ESYT2: variants seen among roughly 807,000 people sequenced by gnomAD.
The protein encoded by ESYT2 is extended synaptotagmin-2.
In ESYT2, 54 loss-of-function variants were observed where a neutral mutation model predicts 107.2. That is an observed-to-expected ratio of 0.50 (90% CI 0.40 to 0.63). The LOEUF is 0.63. ESYT2 is among the 30% of genes least tolerant of loss of function. The pLI, the probability that ESYT2 is intolerant of heterozygous loss-of-function variation, is 0.00. For missense variants in ESYT2, 1,020 were observed against 1,094.5 expected (o/e 0.93, Z 0.96); for synonymous variants, 491 against 434.1 (o/e 1.13, Z -1.63).
At chr7:158,790,299 TTAG>T (rs1839246915) in intron 4 of ESYT2, among the ~76,000 whole-genome samples, 1 of 152,182 alleles carries the variant, frequency 6.6e-6, no homozygotes, top group Non-Finnish European at 1.5e-5. Flanking sequence ...AAAATGATCC[TTAG>T]TAAAGGATCA....
At chr7:158,781,351 T>C (rs1422028169) in intron 6 of ESYT2, among the ~76,000 whole-genome samples, 1 of 150,552 alleles carries the variant, frequency 6.6e-6, no homozygotes, top group Admixed American at 6.6e-5. Context: ...GTGTGAGGTA[T>C]GTGTAAGAAC....
chr7:158,806,449 G>A (rs994188881), intron 1 of ESYT2, among the ~76,000 whole-genome samples: 1 of 152,078 alleles, frequency 6.6e-6, no homozygotes, highest in Admixed American at 6.5e-5. Context: ...AAGGGGTTAA[G>A]CCCCCTTTTA....
intron 1 of ESYT2, among the ~76,000 whole-genome samples, chr7:158,800,636 TG>T (rs1159535929): frequency 6.6e-6 from 1 of 152,198 alleles, no homozygotes; most frequent in Non-Finnish European, 1.5e-5. Context: ...GCAATCCTCC[TG>T]CCTCAGCCTC....
At chr7:158,809,805 G>A (rs1839944771) in intron 1 of ESYT2, among the ~76,000 whole-genome samples, 1 of 152,198 alleles carries the variant, frequency 6.6e-6, no homozygotes, top group Admixed American at 6.5e-5. Context: ...CAGGCAGCCA[G>A]CTGTTCAAAC....
intron 1 of ESYT2, among the ~76,000 whole-genome samples, chr7:158,825,761 G>A (rs908555107): frequency 2.6e-5 from 4 of 152,122 alleles, no homozygotes; most frequent in African/African-American, 9.7e-5. Flanking sequence ...ATGAATTCAC[G>A]GTTGTCAACG....
intron 3 of ESYT2, among the ~76,000 whole-genome samples, chr7:158,794,971 T>C (rs753698210): frequency 4.6e-5 from 7 of 152,070 alleles, no homozygotes; most frequent in Non-Finnish European, 1.0e-4. Flanking sequence ...CAGACTGCAC[T>C]AAAAAACACA....
Position 158,733,119 on chromosome 7 carries a change from CCCTGGTGGTGGCCAG to C in ESYT2, c.*1073_*1087del, listed in dbSNP as rs1476701703. 1.3e-5 allele frequency: 2 copies of C among 152,232 alleles called. No individual in the cohort carries two copies. Among genetic ancestry groups the C allele is most frequent in the Admixed American group, 6.5e-5 (1 of 15,278 alleles). 9.4% of individuals were successfully genotyped at this position (152,232 alleles called of 1,614,324 possible). On this transcript the variant is annotated 3_prime_UTR_variant, in exon 23 of 23. Transcript: ENST00000275418. ...GGGCTCGCAGCTGTGGCGCCCCCAA[CCCTGGTGGTGGCCAG>C]TGCACATCGGCTCAAAGGTCCCACA...
intron 6 of ESYT2, among the ~76,000 whole-genome samples, chr7:158,782,669 TGA>T (rs1262447144): frequency 2.6e-5 from 4 of 151,948 alleles, no homozygotes; most frequent in Non-Finnish European, 4.4e-5. Flanking sequence ...AGAACAAGTG[TGA>T]GAACAAATGT....
chr7:158,798,016 T>C lies in ESYT2; in HGVS notation c.433A>G (p.Ile145Val), dbSNP rs201126533. Residue 145 changes from isoleucine (I) to valine (V), a missense_variant, in exon 3 of 23, where the codon ATA becomes GTA. Ile to Val is a conservative substitution (Grantham distance 29). Coordinates refer to ENST00000275418, the MANE Select transcript of ESYT2 (RefSeq NM_001367773.1). ...QFIEKLFRET[I>V]EPAVRGANTH... ...TTTGCTCCCCGCACGGCTGGTTCTA[T>C]AGTTTCTCGAAACAACTTCTCTATA... 310 of 1,614,200 alleles carry C rather than the reference T, an allele frequency of 1.9e-4. No individual in the cohort carries two copies. The highest frequency in any genetic ancestry group is 2.4e-4 in the Non-Finnish European group (284 of 1,180,018).
chr7:158,739,264 A>G (rs1587368609), intron 18 of ESYT2, 143 bp from the exon 19 acceptor site: 4 of 656,360 alleles, frequency 6.1e-6, no homozygotes, highest in East Asian at 2.9e-5. Flanking sequence ...ACATAATTTG[A>G]AACTTCTGGG....
chr7:158,765,808 A>T (rs1004001719), intron 8 of ESYT2, among the ~76,000 whole-genome samples: 2 of 150,802 alleles, frequency 1.3e-5, no homozygotes, highest in African/African-American at 2.4e-5. Context: ...TTGATAAAAT[A>T]AAAAAAAAAT....
chr7:158,751,013 T>C (rs1245416245), intron 14 of ESYT2, among the ~76,000 whole-genome samples: 2 of 152,226 alleles, frequency 1.3e-5, no homozygotes, highest in Non-Finnish European at 1.5e-5. Flanking sequence ...AAACACTTCA[T>C]CTCTGAAAAA....
Position 158,735,488 on chromosome 7 carries a change from T to C in ESYT2, c.2505+15A>G. On this transcript the variant is annotated intron_variant, in intron 21 of 22. Coordinates refer to ENST00000275418, the MANE Select transcript of ESYT2 (RefSeq NM_001367773.1). ...CAAACTGCAGGAACTGGTTGAGGAT[T>C]CGTTTGGCACTTACTTTGCCAAGGA... The C allele has an allele frequency of 3.1e-6, 5 of 1,603,562 alleles. No individual in the cohort carries two copies. The highest frequency in any genetic ancestry group is 4.3e-6 in the Non-Finnish European group (5 of 1,170,638).
chr7:158,745,595 G>A (rs1317193070), intron 16 of ESYT2, among the ~76,000 whole-genome samples: 1 of 151,964 alleles, frequency 6.6e-6, no homozygotes, highest in Non-Finnish European at 1.5e-5. Context: ...CAGTGCTCTG[G>A]GCCATAAAGC....
chr7:158,787,350 AAAT>A (rs1452733705), intron 6 of ESYT2, among the ~76,000 whole-genome samples: 1 of 152,242 alleles, frequency 6.6e-6, no homozygotes, highest in Non-Finnish European at 1.5e-5. Flanking sequence ...AGTCTAACGC[AAAT>A]ATTACAAAAC....
At chr7:158,734,351 A>G in intron 22 of ESYT2, 71 bp downstream of exon 22, 1 of 1,609,630 alleles carries the variant, frequency 6.2e-7, no homozygotes, top group Non-Finnish European at 8.5e-7. Context: ...TGTGGGGGAC[A>G]CTACCCACTG....
At chr7:158,785,888 G>T (rs369360127) in intron 6 of ESYT2, among the ~76,000 whole-genome samples, 4 of 152,100 alleles carry the variant, frequency 2.6e-5, no homozygotes, top group African/African-American at 9.6e-5. Flanking sequence ...GTTTCGTAAG[G>T]GTTTCTAAAT....
chr7:158,801,607 C>T (rs1839648979), intron 1 of ESYT2, among the ~76,000 whole-genome samples: 1 of 150,936 alleles, frequency 6.6e-6, no homozygotes, highest in Admixed American at 6.6e-5. Context: ...CACAGGAACA[C>T]AGGAACACAG....
chr7:158,782,477 C>CAA (rs1249192733), intron 6 of ESYT2, among the ~76,000 whole-genome samples: 4,830 of 98,942 alleles, frequency 0.049, no homozygotes, highest in Non-Finnish European at 0.068. Flanking sequence ...AGTGTGAGAA[C>CAA]AGTGAGAGGT....
Sources: allele counts gnomAD v4.1 joint callset (sites outside exome capture counted in the v4.1 genomes callset), GRCh38; gene constraint gnomAD v4.1.1; transcripts MANE v1.5; gene names NCBI Gene and HGNC (gene_info 2026-07-23, HGNC 2026-07-21).